SMYD1: variants seen among roughly 807,000 people sequenced by gnomAD.
The protein encoded by SMYD1 is SET and MYND domain containing 1.
In SMYD1, 49 loss-of-function variants were observed where a neutral mutation model predicts 54.0. The ratio of observed to expected loss-of-function variants is 0.91; its 90% CI spans 0.72 to 1.15. SMYD1 has a LOEUF of 1.15. Among genes scored for constraint, SMYD1 ranks in the 50% most tolerant of loss-of-function variants. The pLI is 0.00. For missense variants in SMYD1, 653 were observed against 639.6 expected, an observed-to-expected ratio of 1.02 and a Z score of -0.23; for synonymous variants, 269 against 234.2, an observed-to-expected ratio of 1.15 and a Z score of -1.36.
intron 3 of SMYD1, among the ~76,000 whole-genome samples, chr2:88,089,234 G>A (rs1360735700): frequency 1.3e-5 from 2 of 152,094 alleles, no homozygotes; most frequent in Non-Finnish European, 2.9e-5. Flanking sequence ...ATTAAATGAG[G>A]CCCACCCACA....
rs78415862 is a variant in SMYD1 at position 88,096,691 on chromosome 2, G to A, written c.795G>A (p.Gln265=). The A allele has an allele frequency of 8.1e-3, 13,050 of 1,614,184 alleles. 712 individuals carry two copies. The Admixed American group carries it at 0.1, about 13-fold the overall frequency. Residue 265 remains glutamine (Q), a synonymous_variant, in exon 6 of 10, where the codon CAG becomes CAA. Transcript: ENST00000419482. The stretch of plus-strand genomic sequence containing the variant: ...ACGTTAGTGAAGAACGCAAGAGGCA[G>A]CTGAAGAAGCAGTACTACTTTGACT... ...FLNVSEERKR[Q]LKKQYYFDCT... is the part of the protein sequence containing the mutation.
At chr2:88,082,317 C>A (rs1674216955) in intron 1 of SMYD1, among the ~76,000 whole-genome samples, 1 of 152,182 alleles carries the variant, frequency 6.6e-6, no homozygotes, top group African/African-American at 2.4e-5. Context: ...AACTTTCACG[C>A]CCTCAAGTAC....
chr2:88,075,823 G>A (rs1187768631), intron 1 of SMYD1, among the ~76,000 whole-genome samples: 1 of 152,114 alleles, frequency 6.6e-6, no homozygotes, highest in East Asian at 1.9e-4. Context: ...GATTACAGGT[G>A]TAAGCCACTA....
At chr2:88,100,282 T>G (rs1208582129) in intron 6 of SMYD1, among the ~76,000 whole-genome samples, 2 of 152,166 alleles carry the variant, frequency 1.3e-5, no homozygotes. Context: ...TTGGGGAATC[T>G]TGTAAGTTGC....
In SMYD1 at chr2:88,103,110, A is replaced by AAAAG; in HGVS notation, c.943_946dup (p.Ile316LysfsTer13). On this transcript the variant is annotated frameshift_variant, in exon 7 of 10. Coordinates refer to ENST00000419482, the MANE Select transcript of SMYD1 (RefSeq NM_198274.4). LOFTEE classifies it high-confidence loss of function. ...ATACAATTCTCCAAGGATACATTGG[A>AAAAG]AAAGATAGACAAGGCTCGTTCCGAG... 6.2e-7 allele frequency: 1 copy of AAAAG among 1,614,110 alleles called. No homozygotes were observed. Among genetic ancestry groups the AAAAG allele is most frequent in the South Asian group, 1.1e-5 (1 of 91,080 alleles).
In SMYD1 at chr2:88,106,408, C is replaced by T. The variant is rs1282643021; in HGVS notation, c.1065C>T (p.Ser355=). ...ACATCTACATGCTGCGGATGCTGAG[C>T]ATTGTTTCGGAGGTCCTTTCCTACC... The part of the protein sequence containing the change: ...DTNIYMLRML[S]IVSEVLSYLQ... The change falls in exon 8 of 10, where the codon AGC becomes AGT. Residue 355 remains serine (S), a synonymous_variant. Transcript: ENST00000419482. The T allele has an allele frequency of 6.2e-7, 1 of 1,614,158 alleles. No individual in the cohort carries two copies. Among genetic ancestry groups the T allele is most frequent in the South Asian group, 1.1e-5 (1 of 91,070 alleles).
chr2:88,088,084 C>T lies in SMYD1; in HGVS notation c.528+9C>T, dbSNP rs1047338181. The T allele has an allele frequency of 1.2e-6, 2 of 1,604,852 alleles. No homozygotes were observed. The highest frequency in any genetic ancestry group is 1.3e-5 in the African/African-American group (1 of 74,920). Reference sequence around the variant, plus strand: ...CGCACATCTTCGGAGTGGTAGGCCCCCTGCGTCCCTTCTCCATCCTCCCTG... The same window carrying T: ...CGCACATCTTCGGAGTGGTAGGCCCTCTGCGTCCCTTCTCCATCCTCCCTG... On this transcript the variant is annotated intron_variant, in intron 3 of 9. Transcript: ENST00000419482.
chr2:88,110,722 C>G lies in SMYD1; in HGVS notation c.*210C>G, dbSNP rs1675002728. On this transcript the variant is annotated 3_prime_UTR_variant, in exon 10 of 10. Coordinates refer to ENST00000419482, the MANE Select transcript of SMYD1 (RefSeq NM_198274.4). ...TTAACTCTAGCCCAGCCCAGATCAA[C>G]TCCTCCTACAAATATTATTGGATGA... is the stretch of plus-strand genomic sequence containing the variant. 3 of 514,300 alleles carry G rather than the reference C, an allele frequency of 5.8e-6. No homozygotes were observed. The highest frequency in any genetic ancestry group is 4.1e-5 in the Admixed American group (1 of 24,648). 31.9% of individuals were successfully genotyped at this position (514,300 alleles called of 1,614,324 possible). A position where few individuals can be genotyped will look rare whatever the true frequency, so the allele number is the denominator to read the frequency against.
chr2:88,069,726 G>A (rs1039104358), intron 1 of SMYD1, among the ~76,000 whole-genome samples: 4 of 152,160 alleles, frequency 2.6e-5, no homozygotes, highest in African/African-American at 7.2e-5. Context: ...ATCACACAGC[G>A]ATAACCACTC....
At chr2:88,097,973 C>A (rs1016081171) in intron 6 of SMYD1, among the ~76,000 whole-genome samples, 1 of 152,188 alleles carries the variant, frequency 6.6e-6, no homozygotes, top group Middle Eastern at 3.2e-3. Context: ...TCTATAGGAA[C>A]AACCTCTTTT....
chr2:88,089,505 C>T (rs1416200255), intron 3 of SMYD1, among the ~76,000 whole-genome samples: 1 of 151,684 alleles, frequency 6.6e-6, no homozygotes, highest in East Asian at 1.9e-4. Flanking sequence ...GTTACATGAC[C>T]TCCAAAAGCC....
intron 4 of SMYD1, among the ~76,000 whole-genome samples, chr2:88,092,513 T>G (rs752970032): frequency 2.0e-5 from 3 of 152,244 alleles, no homozygotes; most frequent in African/African-American, 4.8e-5. Context: ...CAATGGTGTC[T>G]GGTTCTCAGC....
rs749616316 is a variant in SMYD1 at position 88,088,043 on chromosome 2, A to G, written c.496A>G (p.Ser166Gly). The change falls in exon 3 of 10, where the codon AGC (serine) becomes GGC (glycine). Residue 166 changes from serine (S) to glycine (G), a missense_variant. Ser to Gly is a moderately conservative substitution (Grantham distance 56). Transcript: ENST00000419482. ...CTGGCCGCCGCAGAGCCAGCAGTTC[A>G]GCATGCAGTACATCTCGCACATCTT... is the stretch of plus-strand genomic sequence containing the variant. ...QYWPPQSQQF[S>G]MQYISHIFGV... The G allele has an allele frequency of 1.2e-6, 2 of 1,614,168 alleles. No individual in the cohort carries two copies. The highest frequency in any genetic ancestry group is 1.7e-6 in the Non-Finnish European group (2 of 1,180,024).
At chr2:88,104,316 A>G (rs2104012778) in intron 7 of SMYD1, among the ~76,000 whole-genome samples, 1 of 152,146 alleles carries the variant, frequency 6.6e-6, no homozygotes, top group East Asian at 1.9e-4. Flanking sequence ...TTACTAACTC[A>G]TTTATTGCAC....
At chr2:88,080,803 G>A (rs1674171739) in intron 1 of SMYD1, among the ~76,000 whole-genome samples, 2 of 152,130 alleles carry the variant, frequency 1.3e-5, no homozygotes, top group Non-Finnish European at 1.5e-5. Flanking sequence ...GTTTTGGAAT[G>A]CTACCTTGAA....
rs1004952185 is a variant in SMYD1 at position 88,096,863 on chromosome 2, G to A, written c.888+79G>A. 3.8e-5 allele frequency: 54 copies of A among 1,429,082 alleles called. No homozygotes were observed. In the Admixed American group the frequency reaches 5.4e-4, roughly 14 times the overall value. 88.5% of individuals were successfully genotyped at this position (1,429,082 alleles called of 1,614,324 possible). On this transcript the variant is annotated intron_variant, in intron 6 of 9. Coordinates refer to ENST00000419482, the MANE Select transcript of SMYD1 (RefSeq NM_198274.4). ...TCACAGGTGGTTTCACAGCTAATCCGTGTGCCCTGCCCATGAGCTTCCTAG... is the reference window on the plus strand; with the variant it reads ...TCACAGGTGGTTTCACAGCTAATCCATGTGCCCTGCCCATGAGCTTCCTAG...
chr2:88,068,297 G>T (rs1256756663), intron 1 of SMYD1, among the ~76,000 whole-genome samples: 3 of 152,034 alleles, frequency 2.0e-5, no homozygotes, highest in Non-Finnish European at 4.4e-5. Context: ...TGGAAAGGTG[G>T]GTGTGGTGCT....
intron 1 of SMYD1, chr2:88,082,539 G>C (rs1009411817): frequency 6.5e-6 from 1 of 154,364 alleles, no homozygotes; most frequent in African/African-American, 2.4e-5. Context: ...CTAGGGATCA[G>C]GCTCAAGGGT....
At chr2:88,090,674 C>T (rs1310942941) in intron 3 of SMYD1, among the ~76,000 whole-genome samples, 1 of 151,988 alleles carries the variant, frequency 6.6e-6, no homozygotes, top group Non-Finnish European at 1.5e-5. Flanking sequence ...AAGCAGGGTA[C>T]AGAGAGAAAA....
Sources: gnomAD v4.1 joint callset for allele counts (sites outside exome capture counted in the v4.1 genomes callset) on GRCh38, gnomAD v4.1.1 for gene constraint, MANE v1.5 for transcripts, NCBI Gene and HGNC (gene_info 2026-07-23, HGNC 2026-07-21) for gene names.